AHCTF1: variants seen among roughly 807,000 people sequenced by gnomAD.
The protein encoded by AHCTF1 is AT-hook containing transcription factor 1, also known as protein ELYS.
A neutral mutation model predicts 248.4 loss-of-function variants in AHCTF1; 24 were observed. That is an observed-to-expected ratio of 0.10 (90% CI 0.07 to 0.14). The LOEUF (loss-of-function observed/expected upper bound fraction) is 0.14. AHCTF1 is among the 10% of genes least tolerant of loss of function. The pLI is 1.00. For missense variants in AHCTF1, 2,206 were observed against 2,636.2 expected (o/e 0.84, Z 3.57); for synonymous variants, 786 against 929.8 (o/e 0.85, Z 2.81).
chr1:246,926,880 A>C (rs886873057), intron 1 of AHCTF1, among the ~76,000 whole-genome samples: 8 of 150,360 alleles, frequency 5.3e-5, no homozygotes, highest in African/African-American at 1.7e-4. Context: ...CTCAAAACAA[A>C]CAAAAGTGTA....
rs1665936308 is a variant in AHCTF1, at chr1:246,913,338, T to A, written c.450A>T (p.Arg150=). ...CCACAGCTGCCACTCCAAAAAGCCA[T>A]CGCAGACTTGGATGTAAATGCTGAG... ...ASTQHLHPSL[R]WLFGVAAVVT... Residue 150 remains arginine, a synonymous_variant, in exon 4 of 36, where the codon CGA becomes CGT. Coordinates refer to ENST00000648844, the MANE Select transcript of AHCTF1 (RefSeq NM_001323342.2). 2 of 1,614,026 alleles carry A rather than the reference T, an allele frequency of 1.2e-6. No individual in the cohort carries two copies. The highest frequency in any genetic ancestry group is 1.3e-5 in the African/African-American group (1 of 75,046).
At chr1:246,870,727 A>G in intron 24 of AHCTF1, among the ~76,000 whole-genome samples, 1 of 151,410 alleles carries the variant, frequency 6.6e-6, no homozygotes, top group East Asian at 1.9e-4. Flanking sequence ...AAACCTCAAA[A>G]AAAAAAAAAA....
chr1:246,855,790 C>A lies in AHCTF1; in HGVS notation c.4294G>T (p.Asp1432Tyr). ...GTTTCAACAGATGTTAATCCTTCGT[C>A]CAACACTGGTACCTTGGACTTCTGG... is the stretch of plus-strand genomic sequence containing the variant. ...FTQKSKVPVL[D>Y]EGLTSVETYT... Residue 1432 changes from aspartate (D) to tyrosine (Y), a missense_variant, in exon 31 of 36, where the codon GAC becomes TAC. This residue lies in a region of AHCTF1 where 955 missense variants were observed against 1,055.6 expected (regional missense o/e 0.90). Transcript: ENST00000648844. 6.2e-7 allele frequency: 1 copy of A among 1,613,414 alleles called. No homozygotes were observed. Among genetic ancestry groups the A allele is most frequent in the Non-Finnish European group, 8.5e-7 (1 of 1,179,706 alleles).
At chr1:246,909,442 T>C (rs1441700762) in intron 4 of AHCTF1, among the ~76,000 whole-genome samples, 1 of 145,158 alleles carries the variant, frequency 6.9e-6, no homozygotes, top group African/African-American at 2.6e-5. Context: ...CTGCTCTGAG[T>C]GGTATGATGA....
chr1:246,851,344 C>T lies in AHCTF1; in HGVS notation c.4662G>A (p.Gln1554=). Residue 1554 remains glutamine, a synonymous_variant, in exon 33 of 36, where the codon CAG becomes CAA. Transcript: ENST00000648844. Reference sequence around the variant, plus strand: ...GTTGGTCAATAGTATCAAAATTGTACTGAAGCTTAAGTGTTCCAGAGGGAT... The same window carrying T: ...GTTGGTCAATAGTATCAAAATTGTATTGAAGCTTAAGTGTTCCAGAGGGAT... ...ELYPSGTLKL[Q]YNFDTIDQQF... is the part of the protein sequence containing the mutation. 2 of 1,614,068 alleles carry T rather than the reference C, an allele frequency of 1.2e-6. No homozygotes were observed. Among genetic ancestry groups the T allele is most frequent in the Non-Finnish European group, 8.5e-7 (1 of 1,179,982 alleles).
At chr1:246,846,364 A>T (rs1660259490) in intron 33 of AHCTF1, among the ~76,000 whole-genome samples, 1 of 152,048 alleles carries the variant, frequency 6.6e-6, no homozygotes, top group South Asian at 2.1e-4. Context: ...TAAAGGGCAG[A>T]GGAAGACAGG....
intron 35 of AHCTF1, among the ~76,000 whole-genome samples, chr1:246,841,332 GATGACAGCCCCGCAGGCCC>G (rs1163241019): frequency 6.6e-6 from 1 of 152,194 alleles, no homozygotes; most frequent in African/African-American, 2.4e-5. Context: ...CAGCCCAGGG[GATGACAGCCCCGCAGGCCC>G]ATGTGGCATG....
chr1:246,886,698 C>A (rs1018589461), intron 20 of AHCTF1, among the ~76,000 whole-genome samples: 9 of 152,092 alleles, frequency 5.9e-5, no homozygotes, highest in Non-Finnish European at 1.0e-4. Context: ...AGGGTATATG[C>A]AAATACTATG....
intron 11 of AHCTF1, 118 bp from the exon 12 acceptor site, chr1:246,898,454 GAA>G: frequency 9.0e-7 from 1 of 1,106,314 alleles, no homozygotes; most frequent in East Asian, 2.6e-5. Context: ...TGGAAATTAT[GAA>G]AGACTATATT....
At chr1:246,910,544 T>C (rs145750705) in intron 4 of AHCTF1, among the ~76,000 whole-genome samples, 135 of 152,342 alleles carry the variant, frequency 8.9e-4, no homozygotes, top group Middle Eastern at 3.4e-3. Flanking sequence ...ATAGCAAATG[T>C]TGAAAATTAA....
At chr1:246,867,876 T>C (rs1662103559) in intron 24 of AHCTF1, 65 bp from the exon 25 acceptor site, 3 of 1,169,458 alleles carry the variant, frequency 2.6e-6, no homozygotes, top group Non-Finnish European at 3.5e-6. Context: ...TAAAAGCATA[T>C]GAAAGAATGA....
rs80056231 is a variant in AHCTF1, at chr1:246,931,053, G to C, written c.-8+525C>G. On this transcript the variant is annotated intron_variant, in intron 1 of 35. Coordinates refer to ENST00000648844, the MANE Select transcript of AHCTF1 (RefSeq NM_001323342.2). ...ATGTGCTTTTATTTTAAATCTCCTTGATCTGACCAATCGGGTGAGCTGGAA... is the reference window on the plus strand; with the variant it reads ...ATGTGCTTTTATTTTAAATCTCCTTCATCTGACCAATCGGGTGAGCTGGAA... 3 of 1,525,402 alleles carry C rather than the reference G, an allele frequency of 2.0e-6. No individual in the cohort carries two copies. In the South Asian group the frequency reaches 3.7e-5, roughly 19 times the overall value. 94.5% of individuals were successfully genotyped at this position (1,525,402 alleles called of 1,614,324 possible).
chr1:246,842,932 T>G (rs780009140), intron 34 of AHCTF1, among the ~76,000 whole-genome samples, 156 bp from the exon 35 acceptor site: 1 of 152,210 alleles, frequency 6.6e-6, no homozygotes, highest in Non-Finnish European at 1.5e-5. Context: ...AGTAGAAACC[T>G]TAGTTATGCA....
rs1335406517 is a variant in AHCTF1, at chr1:246,850,073, C to G, written c.5933G>C (p.Arg1978Thr). Reference sequence around the variant, plus strand: ...TACATCTTCAGATGGATTGATTTTTCTTGGTCTACCACGTTTTCTAGGTAT... The same window carrying G: ...TACATCTTCAGATGGATTGATTTTTGTTGGTCTACCACGTTTTCTAGGTAT... ...SAIPRKRGRP[R>T]KINPSEDVGS... Residue 1978 changes from arginine (R) to threonine (T), a missense_variant, in exon 33 of 36, where the codon AGA becomes ACA. This residue lies in a region of AHCTF1 where 469 missense variants were observed against 470.0 expected (regional missense o/e 1.00). Coordinates refer to ENST00000648844, the MANE Select transcript of AHCTF1 (RefSeq NM_001323342.2). The G allele has an allele frequency of 8.1e-6, 13 of 1,613,932 alleles. No individual in the cohort carries two copies. The highest frequency in any genetic ancestry group is 1.1e-5 in the Non-Finnish European group (13 of 1,179,868).
chr1:246,852,757 AT>A, intron 32 of AHCTF1, among the ~76,000 whole-genome samples: 1 of 151,972 alleles, frequency 6.6e-6, no homozygotes, highest in East Asian at 1.9e-4. Flanking sequence ...CAGTTTATTT[AT>A]TTATTTATTT....
chr1:246,892,015 G>T (rs1361209328), intron 14 of AHCTF1, 96 bp from the exon 15 acceptor site: 7 of 1,268,506 alleles, frequency 5.5e-6, no homozygotes, highest in South Asian at 1.4e-5. Flanking sequence ...TCACTCAAAA[G>T]AATTATTCTA....
chr1:246,926,545 C>T (rs985873465), intron 1 of AHCTF1, among the ~76,000 whole-genome samples: 23 of 152,198 alleles, frequency 1.5e-4, no homozygotes, highest in Non-Finnish European at 7.3e-5. Context: ...CTACAGAGAA[C>T]ATCGAAACAC....
rs775285144 is a variant in AHCTF1, at chr1:246,849,725, G to A, written c.6281C>T (p.Ser2094Phe). Residue 2094 changes from serine to phenylalanine, a missense_variant, in exon 33 of 36, where the codon TCC becomes TTC. By Grantham distance (155) the Ser-to-Phe change is radical (BLOSUM62 -2). Transcript: ENST00000648844. ...GCTAGACCGAGTCCTGCTGCTGCGG[G>A]ATGATTTAGTGAAGGAAGCTGTGGC... ...LLATASFTKS[S>F]RSSRTRSSKA... is the part of the protein sequence containing the mutation. 10 of 1,613,872 alleles carry A rather than the reference G, an allele frequency of 6.2e-6. No homozygotes were observed. The highest frequency in any genetic ancestry group is 8.5e-6 in the Non-Finnish European group (10 of 1,179,876).
chr1:246,848,687 G>A (rs1341860062), intron 33 of AHCTF1, among the ~76,000 whole-genome samples: 4 of 146,790 alleles, frequency 2.7e-5, no homozygotes, highest in East Asian at 2.2e-4. Flanking sequence ...CCAACATGGC[G>A]AAATGCTGTC....
Sources: allele counts gnomAD v4.1 joint callset (sites outside exome capture counted in the v4.1 genomes callset), GRCh38; gene constraint gnomAD v4.1.1; regional missense constraint gnomAD v4.1.1; transcripts MANE v1.5; gene names NCBI Gene and HGNC (gene_info 2026-07-23, HGNC 2026-07-21).